The following SNRPN variants were observed in gnomAD, a reference collection of about 807,000 sequenced individuals.
SNRPN encodes the protein small nuclear ribonucleoprotein-associated protein N.
SNRPN carries 7 observed loss-of-function variants against 25.2 expected under a neutral mutation model. That is an observed-to-expected ratio of 0.28 (90% CI 0.16 to 0.52). The LOEUF (loss-of-function observed/expected upper bound fraction) is 0.52, where lower values mean the gene tolerates loss of function less well. Ranked by LOEUF, SNRPN falls within the 20% of genes least tolerant of loss-of-function variation. The pLI is 0.96. For missense variants in SNRPN, 196 were observed against 322.5 expected (o/e 0.61, Z 3.00); for synonymous variants, 124 against 110.6 (o/e 1.12, Z -0.76).
In SNRPN at chr15:24,878,077, C is replaced by A. The variant is rs185612751; in HGVS notation, c.-578-8439C>A. On this transcript the variant is annotated intron_variant, in intron 1 of 11. Coordinates refer to the SNRPN transcript ENST00000400097. Reference sequence around the variant, plus strand: ...ACTCTTAACTGTGACACATTAAATCCTTGAGTAAATGAGTGTGTGTTTCCA... The same window carrying A: ...ACTCTTAACTGTGACACATTAAATCATTGAGTAAATGAGTGTGTGTTTCCA... 4.2e-4 allele frequency among the ~76,000 whole-genome samples: 64 copies of A among 152,308 alleles called. No individual in the cohort carries two copies. In the East Asian group the frequency reaches 0.011, roughly 27 times the overall value.
chr15:24,841,295 A>C (rs2051683035), intron 2 of SNRPN, among the ~76,000 whole-genome samples: 1 of 151,902 alleles, frequency 6.6e-6, no homozygotes, highest in African/African-American at 2.4e-5. Flanking sequence ...ATTGTGTCTT[A>C]GTTCTTAGCT....
chr15:24,895,238 C>T (rs2058001432), intron 2 of SNRPN, among the ~76,000 whole-genome samples: 2 of 152,218 alleles, frequency 1.3e-5, no homozygotes, highest in Middle Eastern at 3.4e-3. Flanking sequence ...AAAGCCCTTC[C>T]CAGGTTTTAT....
intron 3 of SNRPN, among the ~76,000 whole-genome samples, chr15:24,921,783 G>A (rs1057014971): frequency 2.0e-5 from 3 of 152,162 alleles, no homozygotes; most frequent in Admixed American, 1.3e-4. Flanking sequence ...TAGTATTGTT[G>A]CGAATTAAAT....
chr15:24,919,884 TC>T (rs1420873225), intron 2 of SNRPN: 1 of 149,472 alleles, frequency 6.7e-6, no homozygotes, highest in Non-Finnish European at 1.5e-5. Context: ...TATAAAATGT[TC>T]CTCTGCCCCA....
intron 3 of SNRPN, among the ~76,000 whole-genome samples, chr15:24,931,701 G>A (rs1193252667): frequency 6.6e-6 from 1 of 151,884 alleles, no homozygotes; most frequent in East Asian, 1.9e-4. Context: ...AGCAGGGAAT[G>A]GTGGCACATG....
At chr15:24,908,442 T>C (rs2058995680) in intron 2 of SNRPN, among the ~76,000 whole-genome samples, 1 of 152,128 alleles carries the variant, frequency 6.6e-6, no homozygotes, top group African/African-American at 2.4e-5. Context: ...GCCTCCGTCT[T>C]TGAGATTATC....
chr15:24,844,011 T>C (rs1401011942), intron 2 of SNRPN, among the ~76,000 whole-genome samples: 3 of 151,402 alleles, frequency 2.0e-5, no homozygotes, highest in Admixed American at 1.3e-4. Context: ...TACAAGAAAC[T>C]GCCAAAATGT....
intron 2 of SNRPN, among the ~76,000 whole-genome samples, chr15:24,908,146 G>A (rs61999138): frequency 0.091 from 13,733 of 151,498 alleles, 820 homozygotes; most frequent in Admixed American, 0.16. Flanking sequence ...ACTTGATGGC[G>A]TAATTGGACT....
intron 2 of SNRPN, among the ~76,000 whole-genome samples, chr15:24,835,260 TTTC>T (rs2051062739): frequency 6.6e-6 from 1 of 151,066 alleles, no homozygotes. Flanking sequence ...GCATGCTGTT[TTTC>T]TTCTTATATG....
At chr15:24,922,813 G>C (rs2060108656) in intron 3 of SNRPN, among the ~76,000 whole-genome samples, 1 of 145,582 alleles carries the variant, frequency 6.9e-6, no homozygotes, top group African/African-American at 2.5e-5. Flanking sequence ...TGTATACAGA[G>C]TGTATGCATA....
intron 1 of SNRPN, among the ~76,000 whole-genome samples, chr15:24,956,370 T>C (rs2062891557): frequency 7.2e-6 from 1 of 139,680 alleles, no homozygotes; most frequent in Non-Finnish European, 1.6e-5. Flanking sequence ...GGTGGCCGCT[T>C]CCTCCCTGTA....
intron 8 of SNRPN, 53 bp from the exon 9 acceptor site, chr15:24,978,140 A>G (rs2077280754): frequency 1.9e-6 from 3 of 1,578,268 alleles, no homozygotes; most frequent in Admixed American, 3.5e-5. Context: ...GCTAAATTCT[A>G]ACTTTTCTAA....
At chr15:24,845,549 G>C (rs2052117282) in intron 2 of SNRPN, among the ~76,000 whole-genome samples, 1 of 152,042 alleles carries the variant, frequency 6.6e-6, no homozygotes, top group African/African-American at 2.4e-5. Flanking sequence ...AGTGAGCCGA[G>C]ATCATGCAGT....
intron 2 of SNRPN, among the ~76,000 whole-genome samples, chr15:24,834,865 A>G (rs78299114): frequency 0.39 from 44,467 of 113,002 alleles, 9,824 homozygotes; most frequent in East Asian, 0.59. Context: ...GGTGGAGGTT[A>G]AAGTGAGCTG....
chr15:24,963,673 AAT>A (rs1322638747), intron 2 of SNRPN, among the ~76,000 whole-genome samples: 1 of 151,716 alleles, frequency 6.6e-6, no homozygotes, highest in Non-Finnish European at 1.5e-5. Flanking sequence ...ATTTTTTTCA[AAT>A]TAAAGGTTTT....
At chr15:24,828,411 G>C (rs574093671) in intron 1 of SNRPN, among the ~76,000 whole-genome samples, 1 of 152,148 alleles carries the variant, frequency 6.6e-6, no homozygotes, top group African/African-American at 2.4e-5. Context: ...TGTCATTGAT[G>C]CCACCAGGGT....
At chr15:24,881,062 T>C (rs2056536509) in intron 1 of SNRPN, among the ~76,000 whole-genome samples, 1 of 152,116 alleles carries the variant, frequency 6.6e-6, no homozygotes, top group African/African-American at 2.4e-5. Context: ...TTCACTTTTA[T>C]GAACTAAAAA....
At chr15:24,974,827 G>A (rs1403364354) in intron 4 of SNRPN, 1 of 672,048 alleles carries the variant, frequency 1.5e-6, no homozygotes, top group African/African-American at 1.8e-5. Flanking sequence ...CCAAAGTGCT[G>A]GGATTACAGG....
intron 2 of SNRPN, among the ~76,000 whole-genome samples, chr15:24,894,521 A>G (rs1181220486): frequency 6.6e-6 from 1 of 152,156 alleles, no homozygotes; most frequent in Admixed American, 6.5e-5. Context: ...GCCCAGCCGA[A>G]ACAAAGCCAA....
Sources: gnomAD v4.1 joint callset for allele counts (sites outside exome capture counted in the v4.1 genomes callset) on GRCh38, gnomAD v4.1.1 for gene constraint, MANE v1.5 for transcripts, NCBI Gene and HGNC (gene_info 2026-07-23, HGNC 2026-07-21) for gene names.